The following EXOC3L4 variants were observed in gnomAD, a reference collection of about 807,000 sequenced individuals.
EXOC3L4 encodes exocyst complex component 3 like 4, also known as exocyst complex component 3-like protein 4.
EXOC3L4 carries 62 observed loss-of-function variants against 69.7 expected under a neutral mutation model. That is an observed-to-expected ratio of 0.89 (90% CI 0.72 to 1.10). EXOC3L4 has a LOEUF of 1.10. EXOC3L4 is among the 50% of genes least tolerant of loss of function. The pLI, the probability that EXOC3L4 is intolerant of heterozygous loss-of-function variation, is 0.00. For synonymous variants in EXOC3L4, 502 were observed against 464.2 expected, an observed-to-expected ratio of 1.08 and a Z score of -1.05; for missense variants, 1,087 against 1,034.8, an observed-to-expected ratio of 1.05 and a Z score of -0.69.
intron 1 of EXOC3L4, among the ~76,000 whole-genome samples, chr14:103,098,107 C>A (rs1889979984): frequency 6.6e-6 from 1 of 152,124 alleles, no homozygotes; most frequent in South Asian, 2.1e-4. Flanking sequence ...GGGGACCTCA[C>A]TGGCCCTTCA....
chr14:103,108,779 C>T (rs1182177273), intron 11 of EXOC3L4, among the ~76,000 whole-genome samples: 4 of 152,088 alleles, frequency 2.6e-5, no homozygotes, highest in Non-Finnish European at 4.4e-5. Flanking sequence ...GGAGGCGGAC[C>T]CCCCACCCCT....
rs547811101 is a variant in EXOC3L4, at chr14:103,110,508, G to A, written c.*285G>A. The A allele has an allele frequency of 9.0e-5, 51 of 563,616 alleles. No individual in the cohort carries two copies. The highest frequency in any genetic ancestry group is 1.5e-4 in the Non-Finnish European group (46 of 310,136). 34.9% of individuals were successfully genotyped at this position (563,616 alleles called of 1,614,324 possible). On this transcript the variant is annotated 3_prime_UTR_variant, in exon 12 of 12. Transcript: ENST00000688303. Reference sequence around the variant, plus strand: ...CCCGACTGTCCAGCTTCACCCTCCAGTCTGAAAGTGAAGAGCAGAGTATTT... The same window carrying A: ...CCCGACTGTCCAGCTTCACCCTCCAATCTGAAAGTGAAGAGCAGAGTATTT...
intron 10 of EXOC3L4, among the ~76,000 whole-genome samples, chr14:103,108,127 C>T (rs1051824872): frequency 1.3e-5 from 2 of 152,202 alleles, no homozygotes; most frequent in African/African-American, 4.8e-5. Context: ...TGCCCCCTAG[C>T]AGTGCTTTCA....
Position 103,104,809 on chromosome 14 carries a change from C to T in EXOC3L4, c.1356C>T (p.Cys452=). Reference sequence around the variant, plus strand: ...TGGAGGCCACCACCCTGCGAATCTGCACGCGGGCGCTCGGCCTCTTCGTGC... The same window carrying T: ...TGGAGGCCACCACCCTGCGAATCTGTACGCGGGCGCTCGGCCTCTTCGTGC... ...AELEATTLRI[C]TRALGLFVPR... Residue 452 remains cysteine (C), a synonymous_variant, in exon 6 of 12, where the codon TGC becomes TGT. Transcript: ENST00000688303. 1.3e-6 allele frequency: 2 copies of T among 1,515,222 alleles called. No homozygotes were observed. The highest frequency in any genetic ancestry group is 1.8e-6 in the Non-Finnish European group (2 of 1,125,264). The allele number at this position is 1,515,222 out of a possible 1,614,324, so 93.9% of individuals were successfully genotyped here. A position where few individuals can be genotyped will look rare whatever the true frequency, so the allele number is the denominator to read the frequency against.
rs61730322 is a variant in EXOC3L4 at position 103,100,437 on chromosome 14, C to G, written c.218C>G (p.Thr73Arg). The stretch of plus-strand genomic sequence containing the variant: ...TTGACCCAGGTCTCCAAGGAAGATA[C>G]GGGCCTGTTCCGGCGAAGCTCCTGC... ...RALTQVSKEDTGLFRRSSCSL... is the reference protein window; with the variant it reads ...RALTQVSKEDRGLFRRSSCSL... Residue 73 changes from threonine to arginine, a missense_variant, in exon 2 of 12, where the codon ACG becomes AGG. By Grantham distance (71) the Thr-to-Arg change is moderately conservative (BLOSUM62 -1). Transcript: ENST00000688303. 2 of 1,613,122 alleles carry G rather than the reference C, an allele frequency of 1.2e-6. No individual in the cohort carries two copies. The highest frequency in any genetic ancestry group is 1.7e-6 in the Non-Finnish European group (2 of 1,179,864).
intron 7 of EXOC3L4, 115 bp from the exon 8 acceptor site, chr14:103,106,670 G>A: frequency 1.6e-6 from 1 of 617,944 alleles, no homozygotes; most frequent in Non-Finnish European, 2.8e-6. Context: ...ACAATGGGGA[G>A]CCCCACGGGC....
At chr14:103,096,089 C>G (rs1467689939) in intron 1 of EXOC3L4, among the ~76,000 whole-genome samples, 1 of 152,182 alleles carries the variant, frequency 6.6e-6, no homozygotes, top group Non-Finnish European at 1.5e-5. Flanking sequence ...TGGTGGCTCA[C>G]TCCTGTAATC....
At position 103,107,404 on chromosome 14, in the gene EXOC3L4, C is replaced by G; in HGVS notation, c.1582-20C>G. On this transcript the variant is annotated intron_variant, in intron 8 of 11. Transcript: ENST00000688303. ...CGGGCGTAGTGCACATTTGCAGACT[C>G]CCAGCCCCTCTGTCCCCAGCCGCTC... The G allele has an allele frequency of 6.2e-7, 1 of 1,610,388 alleles. No homozygotes were observed. Among genetic ancestry groups the G allele is most frequent in the Non-Finnish European group, 8.5e-7 (1 of 1,177,612 alleles).
intron 1 of EXOC3L4, among the ~76,000 whole-genome samples, chr14:103,095,726 C>T (rs1889861156): frequency 6.6e-6 from 1 of 152,194 alleles, no homozygotes; most frequent in African/African-American, 2.4e-5. Flanking sequence ...TTTTAAGTGT[C>T]TCTTTCTAAT....
At chr14:103,103,810 G>GTGTA (rs1295814671) in intron 3 of EXOC3L4, 131 bp from the exon 4 acceptor site, 2 of 608,650 alleles carry the variant, frequency 3.3e-6, no homozygotes, top group African/African-American at 3.9e-5. Flanking sequence ...GTGTGTGTGT[G>GTGTA]TGTGTGTGTG....
rs956215361 is a variant in EXOC3L4, at chr14:103,097,910, G to C, written c.-16-2294G>C. Among the ~76,000 whole-genome samples, 2 of 152,152 alleles carry C rather than the reference G, an allele frequency of 1.3e-5. No individual in the cohort carries two copies. Among genetic ancestry groups the C allele is most frequent in the African/African-American group, 4.8e-5 (2 of 41,422 alleles). On this transcript the variant is annotated intron_variant, in intron 1 of 11. Coordinates refer to ENST00000688303, the MANE Select transcript of EXOC3L4 (RefSeq NM_001077594.2). The surrounding 1 kb of genome is among the most constrained non-coding windows in gnomAD (Gnocchi z 4.9). ...GAGGTGTCATCAGCGGGAGGTGGGG[G>C]GTGGAGGAAGGAGGTTCCAGGATGG... is the stretch of plus-strand genomic sequence containing the variant.
chr14:103,108,662 C>T, intron 11 of EXOC3L4, 145 bp downstream of exon 11: 1 of 1,145,798 alleles, frequency 8.7e-7, no homozygotes, highest in Non-Finnish European at 1.2e-6. Flanking sequence ...CTCAGACCCT[C>T]AAGGCTGGAG....
rs753756094 is a variant in EXOC3L4 at position 103,106,785 on chromosome 14, G to T, written c.1467G>T (p.Arg489Ser). ...ATCGCTGGTCCTGGCCCCTCCCCAG[G>T]ACCAGTCTTCTCTCCAGGTTCCCAG... ...GAYINACEELRTSLLSRFPGT... is the reference protein window; with the variant it reads ...GAYINACEELSTSLLSRFPGT... The change falls in exon 8 of 12, where the codon AGG (arginine) becomes AGT (serine). Residue 489 changes from arginine to serine, a missense_variant and splice_region_variant. By Grantham distance (110) the Arg-to-Ser change is moderately radical. Coordinates refer to ENST00000688303, the MANE Select transcript of EXOC3L4 (RefSeq NM_001077594.2). The T allele has an allele frequency of 6.4e-7, 1 of 1,572,912 alleles. No individual in the cohort carries two copies.
Position 103,107,782 on chromosome 14 carries a change from TG to T in EXOC3L4, c.1854+1del. 6.6e-7 allele frequency: 1 copy of T among 1,515,776 alleles called. No homozygotes were observed. The highest frequency in any genetic ancestry group is 8.9e-7 in the Non-Finnish European group (1 of 1,125,224). The allele number at this position is 1,515,776 out of a possible 1,614,324, so 93.9% of individuals were successfully genotyped here. A position where few individuals can be genotyped will look rare whatever the true frequency, so the allele number is the denominator to read the frequency against. On this transcript the variant is annotated frameshift_variant and splice_region_variant, in exon 10 of 12. Coordinates refer to ENST00000688303, the MANE Select transcript of EXOC3L4 (RefSeq NM_001077594.2). LOFTEE classifies it high-confidence loss of function. The stretch of plus-strand genomic sequence containing the variant: ...GCCATCAGCGACACCTTCCAGGGCC[TG>T]GTAGGGGCGGCATGACTGCCCTTCG... Reference protein sequence around the residue: ...AQAISDTFQGLGSEATWLDQA... With the variant: ...AQAISDTFQGXGSEATWLDQA...
rs1890587943 is a variant in EXOC3L4, at chr14:103,106,951, C to T, written c.1581+52C>T. On this transcript the variant is annotated intron_variant, in intron 8 of 11. Transcript: ENST00000688303. ...ACTTCCCATGCCCAGCAGGCACCCC[C>T]TATTTCCTAGAGCCTGGGGGCCCAG... 4.3e-6 allele frequency: 6 copies of T among 1,409,548 alleles called. 1 individual carries two copies. The South Asian group carries it at 6.6e-5, about 16-fold the overall frequency. 87.3% of individuals were successfully genotyped at this position (1,409,548 alleles called of 1,614,324 possible).
chr14:103,103,795 C>CGTGTGTGTGTGTGT (rs1177907237), intron 3 of EXOC3L4, 146 bp from the exon 4 acceptor site: 3 of 442,288 alleles, frequency 6.8e-6, no homozygotes, highest in African/African-American at 4.8e-5. Context: ...GAGGCGCGCG[C>CGTGTGTGTGTGTGT]GCGTGTGTGT....
intron 1 of EXOC3L4, among the ~76,000 whole-genome samples, chr14:103,098,367 C>A (rs1889992868): frequency 6.6e-6 from 1 of 150,838 alleles, no homozygotes; most frequent in South Asian, 2.1e-4. Flanking sequence ...CCCGCCTCTG[C>A]TCCCAGCTCC....
intron 2 of EXOC3L4, among the ~76,000 whole-genome samples, chr14:103,101,765 G>A (rs1472875040): frequency 6.6e-6 from 1 of 152,246 alleles, no homozygotes; most frequent in Non-Finnish European, 1.5e-5. Flanking sequence ...CGCCCTGCCT[G>A]AGCTCCGACC....
Position 103,098,127 on chromosome 14 carries a change from T to C in EXOC3L4, c.-16-2077T>C, listed in dbSNP as rs370671382. Among the ~76,000 whole-genome samples, 20 of 152,230 alleles carry C rather than the reference T, an allele frequency of 1.3e-4. No individual in the cohort carries two copies. In the East Asian group the frequency reaches 3.5e-3, roughly 26 times the overall value. On this transcript the variant is annotated intron_variant, in intron 1 of 11. Coordinates refer to ENST00000688303, the MANE Select transcript of EXOC3L4 (RefSeq NM_001077594.2). ...CCTCACTGGCCCTTCAGCGAAGTTC[T>C]GGTTTGGGACAAAAGCAGGCTGAGT... is the stretch of plus-strand genomic sequence containing the variant.
Sources: gnomAD v4.1 joint callset for allele counts (sites outside exome capture counted in the v4.1 genomes callset) on GRCh38, gnomAD v4.1.1 for gene constraint, Gnocchi (gnomAD v3.1) non-coding constraint, MANE v1.5 for transcripts, NCBI Gene and HGNC (gene_info 2026-07-23, HGNC 2026-07-21) for gene names.